The following VPS11 variants were observed in gnomAD, a reference collection of about 807,000 sequenced individuals.
The protein encoded by VPS11 is VPS11 core subunit of CORVET and HOPS complexes, also known as vacuolar protein sorting-associated protein 11 homolog.
In VPS11, 51 loss-of-function variants were observed where a neutral mutation model predicts 106.8. That is an observed-to-expected ratio of 0.48 (90% CI 0.38 to 0.60). The LOEUF (loss-of-function observed/expected upper bound fraction) is 0.60. Ranked by LOEUF, VPS11 falls within the 20% of genes least tolerant of loss-of-function variation. VPS11 has a pLI of 0.00. For missense variants in VPS11, 950 were observed against 1,190.0 expected, an observed-to-expected ratio of 0.80 and a Z score of 2.97; for synonymous variants, 453 against 458.7, an observed-to-expected ratio of 0.99 and a Z score of 0.16.
At position 119,081,281 on chromosome 11, in the gene VPS11, G is replaced by A. The variant is rs782251250; in HGVS notation, c.2628G>A (p.Gln876=). ...TGGATATGATCCGGGCCCAGGAACA[G>A]AAACGAGATCTCCATGATCAATTCC... is the stretch of plus-strand genomic sequence containing the variant. ...KVMDMIRAQE[Q]KRDLHDQFQH... The change falls in exon 15 of 16, where the codon CAG becomes CAA. Residue 876 remains glutamine, a synonymous_variant. Transcript: ENST00000621676. 1 of 1,613,996 alleles carries A rather than the reference G, an allele frequency of 6.2e-7. No individual in the cohort carries two copies. Among genetic ancestry groups the A allele is most frequent in the Non-Finnish European group, 8.5e-7 (1 of 1,179,880 alleles).
intron 9 of VPS11, 93 bp from the exon 10 acceptor site, chr11:119,077,785 C>T (rs930919815): frequency 1.9e-6 from 3 of 1,563,396 alleles, no homozygotes; most frequent in Non-Finnish European, 2.6e-6. Flanking sequence ...GGGCAGAGCC[C>T]TGTCGTTTTT....
At chr11:119,073,514 T>C in intron 6 of VPS11, 115 bp downstream of exon 6, 1 of 1,298,186 alleles carries the variant, frequency 7.7e-7, no homozygotes. Flanking sequence ...ACAGCCTTAC[T>C]CAGCTTCCTT....
intron 3 of VPS11, among the ~76,000 whole-genome samples, 162 bp downstream of exon 3, chr11:119,069,739 C>T (rs112727478): frequency 0.01 from 1,561 of 152,270 alleles, 30 homozygotes; most frequent in African/African-American, 0.036. Context: ...TGGCTCATGC[C>T]TGTAATCCCA....
At position 119,077,964 on chromosome 11, in the gene VPS11, G is replaced by T; in HGVS notation, c.1659G>T (p.Met553Ile). ...SNMKRYGKIL[M>I]HHIPEQTTQL... ...TGAAGCGCTACGGCAAGATCCTCATGCACCACATACCAGAGCAGACAACTC... is the reference window on the plus strand; with the variant it reads ...TGAAGCGCTACGGCAAGATCCTCATTCACCACATACCAGAGCAGACAACTC... The change falls in exon 10 of 16, where the codon ATG becomes ATT. Residue 553 changes from methionine to isoleucine, a missense_variant. Around this residue, in one of 3 missense-constraint regions of VPS11, gnomAD observed 453 missense variants for 514.6 expected, o/e 0.88. Coordinates refer to ENST00000621676, the MANE Select transcript of VPS11 (RefSeq NM_021729.6). 6.2e-7 allele frequency: 1 copy of T among 1,613,986 alleles called. No homozygotes were observed. The highest frequency in any genetic ancestry group is 8.5e-7 in the Non-Finnish European group (1 of 1,179,908).
At chr11:119,074,774 T>C (rs1459652890) in intron 7 of VPS11, among the ~76,000 whole-genome samples, 4 of 152,174 alleles carry the variant, frequency 2.6e-5, no homozygotes, top group African/African-American at 4.8e-5. Flanking sequence ...GAAAAGGGAA[T>C]TTTAGGGTCA....
chr11:119,077,945 G>T lies in VPS11; in HGVS notation c.1640G>T (p.Arg547Leu), dbSNP rs200774813. 6.2e-6 allele frequency: 10 copies of T among 1,614,032 alleles called. No individual in the cohort carries two copies. The highest frequency in any genetic ancestry group is 2.2e-5 in the East Asian group (1 of 44,886). The change falls in exon 10 of 16, where the codon CGC (arginine) becomes CTC (leucine). Residue 547 changes from arginine to leucine, a missense_variant. This residue lies in a region of VPS11 where 453 missense variants were observed against 514.6 expected (regional missense o/e 0.88). Coordinates refer to ENST00000621676, the MANE Select transcript of VPS11 (RefSeq NM_021729.6). ...PFEQAESNMK[R>L]YGKILMHHIP... Reference sequence around the variant, plus strand: ...GAGCAGGCAGAGAGCAACATGAAGCGCTACGGCAAGATCCTCATGCACCAC... The same window carrying T: ...GAGCAGGCAGAGAGCAACATGAAGCTCTACGGCAAGATCCTCATGCACCAC...
chr11:119,071,478 A>T, intron 4 of VPS11, 118 bp from the exon 5 acceptor site: 1 of 1,333,060 alleles, frequency 7.5e-7, no homozygotes, highest in Non-Finnish European at 1.0e-6. Context: ...CAGCCAAGAG[A>T]AAGACTTTAG....
chr11:119,078,527 C>G, intron 11 of VPS11, 38 bp from the exon 12 acceptor site: 1 of 1,597,878 alleles, frequency 6.3e-7, no homozygotes, highest in African/African-American at 1.3e-5. Flanking sequence ...TGTGATTTTC[C>G]CCTTTTGTCC....
At chr11:119,080,978 CA>C (rs1252217041) in intron 14 of VPS11, 113 bp from the exon 15 acceptor site, 7 of 906,228 alleles carry the variant, frequency 7.7e-6, no homozygotes, top group South Asian at 1.5e-5. Context: ...GCAGGGCCTT[CA>C]GGGGCCTTAC....
intron 7 of VPS11, 45 bp from the exon 8 acceptor site, chr11:119,076,852 G>A (rs1945638949): frequency 6.2e-7 from 1 of 1,601,204 alleles, no homozygotes; most frequent in African/African-American, 1.3e-5. Flanking sequence ...ATGAGCTGGA[G>A]AAGTACACTG....
At chr11:119,079,469 T>A (rs1344199606) in intron 14 of VPS11, among the ~76,000 whole-genome samples, 169 bp downstream of exon 14, 2 of 152,242 alleles carry the variant, frequency 1.3e-5, no homozygotes, top group Non-Finnish European at 2.9e-5. Context: ...ATTACATAGA[T>A]CATTATTTAT....
chr11:119,075,424 G>C (rs1293892123), intron 7 of VPS11, among the ~76,000 whole-genome samples: 1 of 151,646 alleles, frequency 6.6e-6, no homozygotes, highest in African/African-American at 2.4e-5. Flanking sequence ...TAAAAATATG[G>C]CTGGGCGCCG....
intron 7 of VPS11, among the ~76,000 whole-genome samples, chr11:119,075,932 T>A (rs997032985): frequency 1.1e-4 from 3 of 27,224 alleles, no homozygotes; most frequent in Admixed American, 4.6e-4. Context: ...ATAATAATAA[T>A]AAATAAATAA....
intron 5 of VPS11, 144 bp downstream of exon 5, chr11:119,071,987 T>TG: frequency 8.3e-7 from 1 of 1,203,194 alleles, no homozygotes. Flanking sequence ...TTTTTTTTTT[T>TG]TGAGATGGAG....
At position 119,070,028 on chromosome 11, in the gene VPS11, A is replaced by AAAT. The variant is rs375064434; in HGVS notation, c.473-204_473-203insTAA. Among the ~76,000 whole-genome samples, 103 of 28,126 alleles carry AAAT rather than the reference A, an allele frequency of 3.7e-3. No individual in the cohort carries two copies. The Middle Eastern group carries it at 0.079, about 22-fold the overall frequency. 18.5% of individuals were successfully genotyped at this position (28,126 alleles called of 152,430 possible). ...TAAATAAATAAATAAATAAATAAAT[A>AAAT]AAATAAATAAAGTTTGGAATGGGAA... On this transcript the variant is annotated intron_variant, in intron 3 of 15. Coordinates refer to ENST00000621676, the MANE Select transcript of VPS11 (RefSeq NM_021729.6).
chr11:119,068,167 C>T, intron 1 of VPS11, 157 bp downstream of exon 1: 1 of 866,240 alleles, frequency 1.2e-6, no homozygotes, highest in South Asian at 2.0e-5. Flanking sequence ...AGAAGGAAGT[C>T]CATCTCCTAA....
At chr11:119,080,540 T>C (rs1424424254) in intron 14 of VPS11, among the ~76,000 whole-genome samples, 2 of 151,536 alleles carry the variant, frequency 1.3e-5, no homozygotes, top group Non-Finnish European at 2.9e-5. Flanking sequence ...GGCTAATCTT[T>C]ATATTTTTAG....
Position 119,068,020 on chromosome 11 carries a change from GT to G in VPS11, c.187+13del, listed in dbSNP as rs2133640351. ...AGCCTGGTCTTTGGAGATATCCTTCGTTTGGAGCTGTCTTTTCCCTCCCGGG... is the reference window on the plus strand; with the variant it reads ...AGCCTGGTCTTTGGAGATATCCTTCGTTGGAGCTGTCTTTTCCCTCCCGGG... On this transcript the variant is annotated intron_variant, in intron 1 of 15. Coordinates refer to ENST00000621676, the MANE Select transcript of VPS11 (RefSeq NM_021729.6). The G allele has an allele frequency of 1.4e-5, 23 of 1,592,888 alleles. No homozygotes were observed. In the African/African-American group the frequency reaches 3.1e-4, roughly 21 times the overall value.
chr11:119,069,378 A>G lies in VPS11; in HGVS notation c.336+34A>G, dbSNP rs1383732598. The G allele has an allele frequency of 5.0e-6, 8 of 1,613,786 alleles. No homozygotes were observed. In the South Asian group the frequency reaches 8.8e-5, roughly 18 times the overall value. On this transcript the variant is annotated intron_variant, in intron 2 of 15. Transcript: ENST00000621676. ...CAGCAGGGAAATGGGAAAGATCCAGAAGCCTAGGAATGATTTTTTGTTGGA... is the reference window on the plus strand; with the variant it reads ...CAGCAGGGAAATGGGAAAGATCCAGGAGCCTAGGAATGATTTTTTGTTGGA...
Sources: gnomAD v4.1 joint callset for allele counts (sites outside exome capture counted in the v4.1 genomes callset) on GRCh38, gnomAD v4.1.1 for gene constraint, gnomAD v4.1.1 regional missense constraint, MANE v1.5 for transcripts, NCBI Gene and HGNC (gene_info 2026-07-23, HGNC 2026-07-21) for gene names.